ITGB5: variants seen among roughly 807,000 people sequenced by gnomAD.
The protein encoded by ITGB5 is integrin beta-5.
In ITGB5, 38 loss-of-function variants were observed where a neutral mutation model predicts 84.8. The ratio of observed to expected loss-of-function variants is 0.45; its 90% CI spans 0.35 to 0.59. ITGB5 has a LOEUF of 0.59. ITGB5 is among the 20% of genes least tolerant of loss of function. ITGB5 has a pLI of 0.01. For synonymous variants in ITGB5, 393 were observed against 414.4 expected, an observed-to-expected ratio of 0.95 and a Z score of 0.63; for missense variants, 905 against 1,034.5, an observed-to-expected ratio of 0.87 and a Z score of 1.72.
At chr3:124,782,971 TTTC>T (rs1392805329) in intron 10 of ITGB5, among the ~76,000 whole-genome samples, 1 of 146,992 alleles carries the variant, frequency 6.8e-6, no homozygotes, top group Non-Finnish European at 1.5e-5. Context: ...TTTCCCTTTC[TTTC>T]TTTTTTTTCT....
intron 2 of ITGB5, among the ~76,000 whole-genome samples, chr3:124,863,579 T>G (rs1356675677): frequency 6.6e-6 from 1 of 152,066 alleles, no homozygotes; most frequent in Non-Finnish European, 1.5e-5. Context: ...AGTGCAGTGG[T>G]GTAATCTCAG....
chr3:124,769,320 G>A (rs993165055), intron 11 of ITGB5: 2 of 546,664 alleles, frequency 3.7e-6, no homozygotes, highest in Non-Finnish European at 6.5e-6. Flanking sequence ...TGTGAGTTTA[G>A]TGGCATGTCT....
chr3:124,802,205 G>A (rs1378981316), intron 9 of ITGB5, among the ~76,000 whole-genome samples: 1 of 152,214 alleles, frequency 6.6e-6, no homozygotes, highest in Non-Finnish European at 1.5e-5. Context: ...TCTTGAGTGA[G>A]CACGGGATTT....
intron 1 of ITGB5, among the ~76,000 whole-genome samples, chr3:124,899,055 A>G (rs951839719): frequency 1.8e-4 from 28 of 151,752 alleles, no homozygotes; most frequent in Non-Finnish European, 7.4e-5. Flanking sequence ...AGCCTGGGTG[A>G]TAAGAGTGAG....
intron 4 of ITGB5, among the ~76,000 whole-genome samples, chr3:124,842,226 T>C (rs1007605047): frequency 6.6e-6 from 1 of 152,264 alleles, no homozygotes; most frequent in Non-Finnish European, 1.5e-5. Flanking sequence ...TGGAAAGTTA[T>C]GTCTGGAAAT....
At chr3:124,826,713 G>C (rs1047005743) in intron 5 of ITGB5, among the ~76,000 whole-genome samples, 6 of 152,194 alleles carry the variant, frequency 3.9e-5, no homozygotes, top group Non-Finnish European at 2.9e-5. Context: ...CCTGGTTCAT[G>C]ATGGGCTCTC....
chr3:124,893,215 C>T (rs1302942018), intron 1 of ITGB5, among the ~76,000 whole-genome samples: 6 of 152,262 alleles, frequency 3.9e-5, no homozygotes, highest in Admixed American at 3.9e-4. Context: ...CGAGACCCGC[C>T]TGGCCAACAT....
Position 124,887,065 on chromosome 3 carries a change from G to A in ITGB5, c.-65C>T, listed in dbSNP as rs1199792732. 1.3e-6 allele frequency: 1 copy of A among 742,726 alleles called. No individual in the cohort carries two copies. The highest frequency in any genetic ancestry group is 6.2e-5 in the Admixed American group (1 of 16,014). 46.0% of individuals were successfully genotyped at this position (742,726 alleles called of 1,614,324 possible). ...TCCGCGGGGGCCGGCGGCCGGGGCT[G>A]GGGCCGGAGCGCGGGGGCCGAGGGC... On this transcript the variant is annotated 5_prime_UTR_variant, in exon 1 of 15. Transcript: ENST00000296181.
intron 1 of ITGB5, among the ~76,000 whole-genome samples, chr3:124,882,059 T>C (rs1366107836): frequency 6.6e-6 from 1 of 152,190 alleles, no homozygotes; most frequent in African/African-American, 2.4e-5. Flanking sequence ...ACTTCAAAGC[T>C]AGCTGTGGAA....
At chr3:124,891,101 G>T (rs1048740172), upstream of ITGB5, among the ~76,000 whole-genome samples, 1 of 152,172 alleles carries the variant, frequency 6.6e-6, no homozygotes, top group Non-Finnish European at 1.5e-5. Flanking sequence ...TGACGACGGG[G>T]TTTGAGCATG....
intron 5 of ITGB5, among the ~76,000 whole-genome samples, chr3:124,838,287 C>T (rs1029361861): frequency 7.2e-5 from 11 of 151,794 alleles, no homozygotes; most frequent in African/African-American, 2.7e-4. Flanking sequence ...AGAAAATAAG[C>T]CTATCACCTA....
intron 5 of ITGB5, among the ~76,000 whole-genome samples, chr3:124,829,317 A>T (rs1299073962): frequency 6.6e-6 from 1 of 152,244 alleles, no homozygotes; most frequent in African/African-American, 2.4e-5. Context: ...AATTTCGCTA[A>T]ACATGACAGA....
At position 124,816,169 on chromosome 3, in the gene ITGB5, G is replaced by A. The variant is rs968682346; in HGVS notation, c.1128+1452C>T. On this transcript the variant is annotated intron_variant, in intron 8 of 14. Transcript: ENST00000296181. ...CAAAAATCCTCACTGCTGCCCACCC[G>A]GTTGCCTTCAGGACACTGAGGCTCC... is the stretch of plus-strand genomic sequence containing the variant. 1.1e-4 allele frequency among the ~76,000 whole-genome samples: 16 copies of A among 152,318 alleles called. No individual in the cohort carries two copies. In the East Asian group the frequency reaches 2.3e-3, roughly 22 times the overall value.
intron 5 of ITGB5, among the ~76,000 whole-genome samples, chr3:124,824,330 A>C (rs1020408567): frequency 3.3e-5 from 5 of 152,334 alleles, no homozygotes; most frequent in African/African-American, 1.2e-4. Context: ...CTGGATATTC[A>C]TATGCAAAAA....
At chr3:124,860,476 C>T (rs2065280677) in intron 2 of ITGB5, among the ~76,000 whole-genome samples, 1 of 152,174 alleles carries the variant, frequency 6.6e-6, no homozygotes. Flanking sequence ...TAAGAAAAAT[C>T]TTTCTTTGGG....
At chr3:124,787,764 T>G (rs1158554154) in intron 10 of ITGB5, 1 of 152,250 alleles carries the variant, frequency 6.6e-6, no homozygotes, top group Non-Finnish European at 1.5e-5. Flanking sequence ...TGCAAGAGGC[T>G]GGCTGACTCC....
chr3:124,794,649 G>T (rs1342887514), intron 10 of ITGB5, among the ~76,000 whole-genome samples: 1 of 152,038 alleles, frequency 6.6e-6, no homozygotes, highest in East Asian at 1.9e-4. Flanking sequence ...AGGCGTGGTG[G>T]TGGGTGCTTG....
At chr3:124,811,266 G>C (rs2064497119) in intron 8 of ITGB5, among the ~76,000 whole-genome samples, 1 of 152,152 alleles carries the variant, frequency 6.6e-6, no homozygotes, top group Non-Finnish European at 1.5e-5. Flanking sequence ...CTGTGACTTA[G>C]TACAATCTGT....
chr3:124,778,034 T>A (rs2150942971), intron 10 of ITGB5, among the ~76,000 whole-genome samples: 1 of 152,246 alleles, frequency 6.6e-6, no homozygotes, highest in Middle Eastern at 3.4e-3. Context: ...GGGAACAACA[T>A]CCTGGCGGAC....
Sources: gnomAD v4.1 joint callset for allele counts (sites outside exome capture counted in the v4.1 genomes callset) on GRCh38, gnomAD v4.1.1 for gene constraint, MANE v1.5 for transcripts, NCBI Gene and HGNC (gene_info 2026-07-23, HGNC 2026-07-21) for gene names.